The following ANKRD44 variants were observed in gnomAD, a reference collection of about 807,000 sequenced individuals.
ANKRD44 encodes the protein serine/threonine-protein phosphatase 6 regulatory ankyrin repeat subunit B.
A neutral mutation model predicts 116.0 loss-of-function variants in ANKRD44; 35 were observed. That is an observed-to-expected ratio of 0.30 (90% confidence interval 0.23 to 0.40). ANKRD44 has a LOEUF of 0.40. Among genes scored for constraint, ANKRD44 ranks in the 10% least tolerant of loss-of-function variants. The pLI is 1.00. For synonymous variants in ANKRD44, 435 were observed against 461.8 expected (o/e 0.94, Z 0.74); for missense variants, 1,014 against 1,242.6 (o/e 0.82, Z 2.77).
chr2:197,128,784 G>T (rs1454810331), intron 4 of ANKRD44, among the ~76,000 whole-genome samples: 1 of 152,128 alleles, frequency 6.6e-6, no homozygotes, highest in African/African-American at 2.4e-5. Flanking sequence ...TTACATTTAA[G>T]TCTTTAATCC....
chr2:197,111,516 GT>G (rs1345633874), intron 8 of ANKRD44, among the ~76,000 whole-genome samples: 2 of 152,050 alleles, frequency 1.3e-5, no homozygotes, highest in East Asian at 3.9e-4. Flanking sequence ...GCGCATGCCT[GT>G]AATCCCAGCT....
chr2:197,124,178 T>A (rs980202484), intron 6 of ANKRD44, among the ~76,000 whole-genome samples: 2 of 152,170 alleles, frequency 1.3e-5, no homozygotes, highest in African/African-American at 2.4e-5. Flanking sequence ...TTTTTTTAAA[T>A]GCTAATGCTT....
intron 9 of ANKRD44, among the ~76,000 whole-genome samples, chr2:197,108,095 G>A (rs1225768276): frequency 6.6e-6 from 1 of 152,092 alleles, no homozygotes; most frequent in East Asian, 1.9e-4. Context: ...AACACCATTG[G>A]TTTCTGGAGG....
chr2:196,975,808 AAAAAG>A (rs1205269530), intron 21 of ANKRD44, among the ~76,000 whole-genome samples: 2 of 56,400 alleles, frequency 3.5e-5, no homozygotes, highest in East Asian at 1.7e-3. Flanking sequence ...AAGAAAAAGA[AAAAAG>A]AAAGAAAGAA....
chr2:196,979,130 C>T lies in ANKRD44; in HGVS notation c.2369-11684G>A, dbSNP rs2075780897. Among the ~76,000 whole-genome samples, 6 of 152,082 alleles carry T rather than the reference C, an allele frequency of 3.9e-5. No homozygotes were observed. The South Asian group carries it at 1.2e-3, about 32-fold the overall frequency. ...CATCTGCAGGCGCCAGGCACGGTGG[C>T]TCACGCCTGTAATCCCAGCACTTTG... is the stretch of plus-strand genomic sequence containing the variant. On this transcript the variant is annotated intron_variant, in intron 21 of 21. Transcript: ENST00000424317.
intron 1 of ANKRD44, among the ~76,000 whole-genome samples, chr2:197,308,685 T>C (rs2084148880): frequency 6.6e-6 from 1 of 152,230 alleles, no homozygotes; most frequent in Non-Finnish European, 1.5e-5. Flanking sequence ...GGAAATATAC[T>C]TGGAAACATC....
intron 16 of ANKRD44, among the ~76,000 whole-genome samples, chr2:197,063,037 C>T (rs1679830657): frequency 6.6e-6 from 1 of 151,148 alleles, no homozygotes; most frequent in South Asian, 2.1e-4. Context: ...GGGTCCCTGA[C>T]CCCCGAGTAG....
chr2:197,175,652 C>T (rs1438808244), intron 2 of ANKRD44, among the ~76,000 whole-genome samples: 1 of 152,108 alleles, frequency 6.6e-6, no homozygotes, highest in Admixed American at 6.5e-5. Context: ...AATGTGATTC[C>T]TTCAATGCTT....
At chr2:197,289,443 T>C (rs756019974) in intron 1 of ANKRD44, among the ~76,000 whole-genome samples, 19 of 152,210 alleles carry the variant, frequency 1.2e-4, no homozygotes, top group Admixed American at 5.9e-4. Flanking sequence ...ACATAATTAT[T>C]CATAATAGAT....
At chr2:197,235,574 G>A (rs2081959586) in intron 1 of ANKRD44, among the ~76,000 whole-genome samples, 1 of 146,344 alleles carries the variant, frequency 6.8e-6, no homozygotes, top group African/African-American at 2.5e-5. Context: ...CGAGATTGTT[G>A]CACTGCACTC....
At chr2:197,107,725 A>C (rs1345942590) in intron 9 of ANKRD44, among the ~76,000 whole-genome samples, 2 of 152,208 alleles carry the variant, frequency 1.3e-5, no homozygotes, top group Non-Finnish European at 2.9e-5. Flanking sequence ...TGCTGTGCCC[A>C]TGTGGTCCTG....
chr2:197,115,868 G>C (rs888955941), intron 8 of ANKRD44, among the ~76,000 whole-genome samples: 17 of 152,182 alleles, frequency 1.1e-4, no homozygotes, highest in Admixed American at 3.9e-4. Context: ...GATTCAAAGA[G>C]ATTTAGGAAA....
intron 2 of ANKRD44, among the ~76,000 whole-genome samples, chr2:197,183,942 A>T (rs969608662): frequency 2.0e-5 from 3 of 152,154 alleles, no homozygotes; most frequent in African/African-American, 7.2e-5. Context: ...CTCATGATTA[A>T]CCTTCTCCCT....
chr2:196,973,495 C>T (rs773587545), intron 21 of ANKRD44, among the ~76,000 whole-genome samples: 8 of 152,078 alleles, frequency 5.3e-5, no homozygotes, highest in Admixed American at 1.3e-4. Flanking sequence ...TATCTCCCCA[C>T]GCAAAGGATG....
At chr2:197,001,166 A>G (rs905798012) in intron 22 of ANKRD44, among the ~76,000 whole-genome samples, 3 of 152,364 alleles carry the variant, frequency 2.0e-5, no homozygotes, top group Admixed American at 2.0e-4. Context: ...GGCCAGAGAC[A>G]ATGTAAAGAC....
At chr2:197,035,764 C>G (rs1465192180) in intron 16 of ANKRD44, among the ~76,000 whole-genome samples, 1 of 149,506 alleles carries the variant, frequency 6.7e-6, no homozygotes, top group Non-Finnish European at 1.5e-5. Context: ...CAGTACTCGT[C>G]AAGCTATGAC....
At chr2:197,081,814 A>G in intron 14 of ANKRD44, 89 bp from the exon 15 acceptor site, 1 of 1,074,342 alleles carries the variant, frequency 9.3e-7, no homozygotes, top group Non-Finnish European at 1.4e-6. Flanking sequence ...TTATATCTCA[A>G]TGATTTTTAC....
chr2:197,125,294 G>A (rs1231867589), intron 6 of ANKRD44, 87 bp downstream of exon 6: 6 of 1,259,860 alleles, frequency 4.8e-6, no homozygotes, highest in African/African-American at 1.5e-5. Flanking sequence ...AAGTCAGACT[G>A]GAGAAAACCT....
At chr2:197,090,487 CTTTTCACTTTTT>C in intron 10 of ANKRD44, among the ~76,000 whole-genome samples, 1 of 145,978 alleles carries the variant, frequency 6.9e-6, no homozygotes, top group East Asian at 2.0e-4. Context: ...TCTTTTTTTT[CTTTTCACTTTTT>C]TTTTTTTTTT....
Sources: allele counts gnomAD v4.1 joint callset (sites outside exome capture counted in the v4.1 genomes callset), GRCh38; gene constraint gnomAD v4.1.1; transcripts MANE v1.5; gene names NCBI Gene and HGNC (gene_info 2026-07-23, HGNC 2026-07-21).